Variants in AP3D1 observed in about 807,000 individuals in gnomAD.
AP3D1 encodes adaptor related protein complex 3 subunit delta 1.
AP3D1 carries 51 observed loss-of-function variants against 147.6 expected under a neutral mutation model. The ratio of observed to expected loss-of-function variants is 0.35; its 90% CI spans 0.28 to 0.44. The LOEUF (loss-of-function observed/expected upper bound fraction) is 0.44. Among genes scored for constraint, AP3D1 ranks in the 20% least tolerant of loss-of-function variants. The pLI is 1.00. For synonymous variants in AP3D1, 760 were observed against 663.0 expected, an observed-to-expected ratio of 1.15 and a Z score of -2.25; for missense variants, 1,421 against 1,624.2, an observed-to-expected ratio of 0.87 and a Z score of 2.15.
chr19:2,152,540 TAA>T (rs903122287), upstream of AP3D1, among the ~76,000 whole-genome samples: 3 of 139,932 alleles, frequency 2.1e-5, no homozygotes, highest in South Asian at 2.3e-4. Context: ...AGACTCCGTC[TAA>T]AAAAAAAAGA....
chr19:2,102,322 G>A (rs907599051), intron 31 of AP3D1, 54 bp from the exon 32 acceptor site: 16 of 1,481,020 alleles, frequency 1.1e-5, no homozygotes, highest in African/African-American at 5.5e-5. Flanking sequence ...GGCTAGGCAC[G>A]GTGGCTCAAG....
In AP3D1 at chr19:2,108,668, A is replaced by G; in HGVS notation, c.3552+19T>C. 6.4e-7 allele frequency: 1 copy of G among 1,565,022 alleles called. No individual in the cohort carries two copies. On this transcript the variant is annotated intron_variant, in intron 31 of 31. Coordinates refer to ENST00000643116, the MANE Select transcript of AP3D1 (RefSeq NM_001261826.3). Reference sequence around the variant, plus strand: ...AGAGGTGGCAGGAGCCAGGGTGTGCACAGCAGCCCGAGGCTCACCTTTTTC... The same window carrying G: ...AGAGGTGGCAGGAGCCAGGGTGTGCGCAGCAGCCCGAGGCTCACCTTTTTC...
chr19:2,121,589 G>T (rs923209650), intron 12 of AP3D1, 145 bp downstream of exon 12: 3 of 1,208,850 alleles, frequency 2.5e-6, no homozygotes, highest in Non-Finnish European at 3.4e-6. Flanking sequence ...GACCAGGACT[G>T]GCGCCCCTCT....
intron 3 of AP3D1, among the ~76,000 whole-genome samples, 171 bp from the exon 4 acceptor site, chr19:2,137,262 G>A (rs1050447844): frequency 6.6e-6 from 1 of 151,978 alleles, no homozygotes. Context: ...GAAAACCAAC[G>A]CAGATTTCTT....
Position 2,115,240 on chromosome 19 carries a change from G to A in AP3D1, c.2328C>T (p.Ile776=), listed in dbSNP as rs370785097. Residue 776 remains isoleucine, a synonymous_variant, in exon 20 of 32, where the codon ATC becomes ATT. Coordinates refer to ENST00000643116, the MANE Select transcript of AP3D1 (RefSeq NM_001261826.3). ...TGACCTCAGGCATCTCCTCTGTGAC[G>A]ATGTCCACCTGCTGGGCAGGGGCGA... ...EDIAPAQQVD[I]VTEEMPENAL... is the part of the protein sequence containing the mutation. 89 of 1,613,298 alleles carry A rather than the reference G, an allele frequency of 5.5e-5. No individual in the cohort carries two copies. Among genetic ancestry groups the A allele is most frequent in the Admixed American group, 2.3e-4 (14 of 60,008 alleles).
At chr19:2,133,835 C>G (rs901327647) in intron 4 of AP3D1, among the ~76,000 whole-genome samples, 4 of 148,028 alleles carry the variant, frequency 2.7e-5, no homozygotes, top group South Asian at 2.4e-4. Flanking sequence ...AGTGGCCGTG[C>G]GCGGTGGCTC....
intron 11 of AP3D1, among the ~76,000 whole-genome samples, chr19:2,122,814 G>A (rs1358293070): frequency 6.6e-6 from 1 of 152,152 alleles, no homozygotes; most frequent in Non-Finnish European, 1.5e-5. Flanking sequence ...GCCAACTCCT[G>A]CTCTCAACAA....
intron 1 of AP3D1, among the ~76,000 whole-genome samples, chr19:2,162,740 A>G (rs1235274328): frequency 6.6e-6 from 1 of 151,952 alleles, no homozygotes; most frequent in Non-Finnish European, 1.5e-5. Flanking sequence ...GAAAGGCTTT[A>G]ATCACCAGGG....
chr19:2,145,662 G>C (rs768709250), intron 1 of AP3D1, among the ~76,000 whole-genome samples: 42 of 152,044 alleles, frequency 2.8e-4, no homozygotes, highest in Non-Finnish European at 5.0e-4. Flanking sequence ...AAAGCTCAAC[G>C]CAAGTGAGCA....
In AP3D1 at chr19:2,117,133, C is replaced by T. The variant is rs73512355; in HGVS notation, c.1859+89G>A. 2,680 of 1,466,626 alleles carry T rather than the reference C, an allele frequency of 1.8e-3. 43 individuals are homozygous for T. The African/African-American group carries it at 0.032, about 17-fold the overall frequency. 90.9% of individuals were successfully genotyped at this position (1,466,626 alleles called of 1,614,324 possible). On this transcript the variant is annotated intron_variant, in intron 16 of 31. Transcript: ENST00000643116. ...TCAGCCCCACACCCTCCTGGCTGTT[C>T]AGGGGTGCAGGAGCCCCCGCTGTGC...
intron 11 of AP3D1, 74 bp from the exon 12 acceptor site, chr19:2,121,953 C>T (rs1210784858): frequency 1.3e-6 from 2 of 1,489,520 alleles, no homozygotes; most frequent in Non-Finnish European, 1.8e-6. Context: ...CCACGGCTCT[C>T]CGGGCCGGGT....
chr19:2,153,383 G>A (rs1197281132), upstream of AP3D1, among the ~76,000 whole-genome samples: 1 of 133,170 alleles, frequency 7.5e-6, no homozygotes, highest in Non-Finnish European at 1.7e-5. Context: ...CAAAAAAGAA[G>A]TGGGGGGGGG....
chr19:2,141,960 A>G (rs1232492352), intron 1 of AP3D1, among the ~76,000 whole-genome samples: 2 of 149,556 alleles, frequency 1.3e-5, no homozygotes, highest in South Asian at 2.1e-4. Context: ...TTTTGCATAT[A>G]TTTATGTATA....
intron 4 of AP3D1, among the ~76,000 whole-genome samples, chr19:2,135,338 C>T (rs751788579): frequency 3.3e-5 from 5 of 152,126 alleles, no homozygotes; most frequent in Admixed American, 2.0e-4. Context: ...GAGTTCAAGA[C>T]CAGCCTGGCC....
At chr19:2,108,007 T>C (rs2018160436) in intron 31 of AP3D1, among the ~76,000 whole-genome samples, 1 of 152,194 alleles carries the variant, frequency 6.6e-6, no homozygotes, top group Non-Finnish European at 1.5e-5. Flanking sequence ...ACTGAGGATG[T>C]AGCTAAAAGC....
Position 2,120,868 on chromosome 19 carries a change from A to G in AP3D1, c.1475T>C (p.Phe492Ser). 1 of 1,607,796 alleles carries G rather than the reference A, an allele frequency of 6.2e-7. No individual in the cohort carries two copies. The highest frequency in any genetic ancestry group is 8.5e-7 in the Non-Finnish European group (1 of 1,179,230). ...AGGCCCAGCGCCCACTCACTCTGAG[A>G]ACTCCCCGCAGATCCAGGCGGCAGC... Reference protein sequence around the residue: ...LYAAAWICGEFSEHLQEPHHT... With the variant: ...LYAAAWICGESSEHLQEPHHT... Residue 492 changes from phenylalanine (F) to serine (S), a missense_variant, in exon 14 of 32, where the codon TTC (phenylalanine) becomes TCC (serine). This residue lies in a region of AP3D1 where 310 missense variants were observed against 388.1 expected (regional missense o/e 0.80). Transcript: ENST00000643116.
intron 4 of AP3D1, 95 bp from the exon 5 acceptor site, chr19:2,132,673 G>T: frequency 3.0e-6 from 3 of 1,002,966 alleles, no homozygotes; most frequent in Non-Finnish European, 4.6e-6. Flanking sequence ...AATTCTCCCA[G>T]GATGCCCCAG....
chr19:2,116,429 T>C, intron 17 of AP3D1, 151 bp from the exon 18 acceptor site: 1 of 1,218,290 alleles, frequency 8.2e-7, no homozygotes, highest in Non-Finnish European at 1.1e-6. Context: ...GGCCCGCAAT[T>C]GGGAAGAGCA....
At chr19:2,164,141 C>G (rs1409911681) in intron 1 of AP3D1, 1 of 1,150,548 alleles carries the variant, frequency 8.7e-7, no homozygotes, top group Non-Finnish European at 1.1e-6. Context: ...CCGCCCCTCC[C>G]CCAACCGCCC....
Sources: gnomAD v4.1 joint callset for allele counts (sites outside exome capture counted in the v4.1 genomes callset) on GRCh38, gnomAD v4.1.1 for gene constraint, gnomAD v4.1.1 regional missense constraint, MANE v1.5 for transcripts, NCBI Gene and HGNC (gene_info 2026-07-23, HGNC 2026-07-21) for gene names.